SPATS1: variants seen among roughly 807,000 people sequenced by gnomAD.
SPATS1 encodes spermatogenesis-associated serine-rich protein 1.
SPATS1 carries 23 observed loss-of-function variants against 33.6 expected under a neutral mutation model. The ratio of observed to expected loss-of-function variants is 0.68; its 90% confidence interval spans 0.49 to 0.97. The LOEUF (loss-of-function observed/expected upper bound fraction) is 0.97, where lower values mean the gene tolerates loss of function less well. Among genes scored for constraint, SPATS1 ranks in the 50% least tolerant of loss-of-function variants. SPATS1 has a pLI of 0.00. For synonymous variants in SPATS1, 131 were observed against 125.6 expected (o/e 1.04, Z -0.29); for missense variants, 327 against 361.0 (o/e 0.91, Z 0.76).
At chr6:44,342,911 C>A in intron 1 of SPATS1, 143 bp downstream of exon 1, 2 of 1,249,554 alleles carry the variant, frequency 1.6e-6, no homozygotes, top group Non-Finnish European at 2.2e-6. Flanking sequence ...CTCGCTGGGG[C>A]TCCCAGGGCT....
rs1043303430 is a variant in SPATS1 at position 44,379,198 on chromosome 6, G to C, written c.*2135G>C. Among the ~76,000 whole-genome samples the C allele has an allele frequency of 1.3e-5, 2 of 152,112 alleles. No individual in the cohort carries two copies. Among genetic ancestry groups the C allele is most frequent in the Non-Finnish European group, 2.9e-5 (2 of 68,016 alleles). On this transcript the variant is annotated 3_prime_UTR_variant, in exon 9 of 9. Coordinates refer to ENST00000674044, the MANE Select transcript of SPATS1 (RefSeq NM_001372081.1). The stretch of plus-strand genomic sequence containing the variant: ...ATATAGAACAAAAAAAGATTCTGCA[G>C]AGATTTCCTGGTGAGATTATCTAGG...
intron 5 of SPATS1, among the ~76,000 whole-genome samples, chr6:44,365,779 T>C (rs1437176987): frequency 1.3e-5 from 2 of 152,316 alleles, no homozygotes; most frequent in East Asian, 1.9e-4. Flanking sequence ...TCTAAATGTA[T>C]GTTTCCCATT....
rs147384532 is a variant in SPATS1, at chr6:44,355,975, G to A, written c.287+3102G>A. ...TTATCTTTCATGATGCCTGGGTTAC[G>A]GAGGACCTAACTCAGTCAAAGCATG... is the stretch of plus-strand genomic sequence containing the variant. On this transcript the variant is annotated intron_variant, in intron 3 of 8. Coordinates refer to ENST00000674044, the MANE Select transcript of SPATS1 (RefSeq NM_001372081.1). Among the ~76,000 whole-genome samples, 596 of 152,228 alleles carry A rather than the reference G, an allele frequency of 3.9e-3. 1 individual carries two copies. The highest frequency in any genetic ancestry group is 6.9e-3 in the Non-Finnish European group (467 of 68,014).
At chr6:44,371,641 C>A (rs2153369957) in intron 7 of SPATS1, among the ~76,000 whole-genome samples, 1 of 152,250 alleles carries the variant, frequency 6.6e-6, no homozygotes, top group East Asian at 1.9e-4. Context: ...ATAGTAATAG[C>A]TGTTTAAAGA....
At chr6:44,376,810 C>T (rs1789990348) in intron 8 of SPATS1, among the ~76,000 whole-genome samples, 1 of 152,094 alleles carries the variant, frequency 6.6e-6, no homozygotes, top group South Asian at 2.1e-4. Context: ...CAAACACAAA[C>T]AAACAAACAA....
rs145777528 is a variant in SPATS1, at chr6:44,347,188, C to T, written c.139+3954C>T. 1.1e-4 allele frequency among the ~76,000 whole-genome samples: 16 copies of T among 152,060 alleles called. No individual in the cohort carries two copies. In the East Asian group the frequency reaches 2.9e-3, roughly 28 times the overall value. On this transcript the variant is annotated intron_variant, in intron 2 of 8. Coordinates refer to ENST00000674044, the MANE Select transcript of SPATS1 (RefSeq NM_001372081.1). ...GAGTTGAACAATGAGAACACATGGACACAGGGAGGGGAATATCACACACTG... is the reference window on the plus strand; with the variant it reads ...GAGTTGAACAATGAGAACACATGGATACAGGGAGGGGAATATCACACACTG...
At chr6:44,370,172 T>C (rs1300716812) in intron 7 of SPATS1, 59 bp downstream of exon 7, 2 of 1,499,034 alleles carry the variant, frequency 1.3e-6, no homozygotes, top group Non-Finnish European at 9.2e-7. Flanking sequence ...GATTATTTTA[T>C]TGTTTCCTTA....
chr6:44,370,090 T>C lies in SPATS1; in HGVS notation c.735T>C (p.Leu245=), dbSNP rs773606355. 5.6e-6 allele frequency: 9 copies of C among 1,612,418 alleles called. No individual in the cohort carries two copies. Among genetic ancestry groups the C allele is most frequent in the Non-Finnish European group, 6.8e-6 (8 of 1,178,942 alleles). Residue 245 remains leucine, a synonymous_variant, in exon 7 of 9, where the codon CTT becomes CTC. Transcript: ENST00000674044. ...AGAAATTTGATACATTTATTCCACT[T>C]GAGCCTCTTCCACAAATTCCCAAGT... ...YEKKFDTFIP[L]EPLPQIPNLP...
Position 44,379,931 on chromosome 6 carries a change from C to T in SPATS1, c.*2868C>T, listed in dbSNP as rs1255887676. Among the ~76,000 whole-genome samples, 1 of 152,116 alleles carries T rather than the reference C, an allele frequency of 6.6e-6. No individual in the cohort carries two copies. Among genetic ancestry groups the T allele is most frequent in the Non-Finnish European group, 1.5e-5 (1 of 68,028 alleles). ...TTCTCTGTGGGTACATCTCGATGCC[C>T]AGGCCTTATTCCACGGCACCTCAAT... On this transcript the variant is annotated 3_prime_UTR_variant, in exon 9 of 9. Coordinates refer to ENST00000674044, the MANE Select transcript of SPATS1 (RefSeq NM_001372081.1).
rs536402168 is a variant in SPATS1, at chr6:44,346,239, C to T, written c.139+3005C>T. Among the ~76,000 whole-genome samples the T allele has an allele frequency of 6.7e-5, 10 of 149,360 alleles. 1 individual carries two copies. The South Asian group carries it at 1.5e-3, about 22-fold the overall frequency. On this transcript the variant is annotated intron_variant, in intron 2 of 8. Transcript: ENST00000674044. ...CCTAGGGGCAGAGGTTGCAGTGAAC[C>T]GAGATCACTCCAGCCTGGGTGACAG...
At position 44,379,478 on chromosome 6, in the gene SPATS1, G is replaced by C. The variant is rs954191144; in HGVS notation, c.*2415G>C. On this transcript the variant is annotated 3_prime_UTR_variant, in exon 9 of 9. Coordinates refer to ENST00000674044, the MANE Select transcript of SPATS1 (RefSeq NM_001372081.1). Reference sequence around the variant, plus strand: ...TGGTGGTGGGCACCTATAGTCCCAGGACTGTACTATACTCGGGAGGCTGAG... The same window carrying C: ...TGGTGGTGGGCACCTATAGTCCCAGCACTGTACTATACTCGGGAGGCTGAG... 7.9e-5 allele frequency among the ~76,000 whole-genome samples: 12 copies of C among 151,200 alleles called. No homozygotes were observed. Among genetic ancestry groups the C allele is most frequent in the African/African-American group, 2.9e-4 (12 of 41,190 alleles).
rs764105715 is a variant in SPATS1 at position 44,343,106 on chromosome 6, C to T, written c.11C>T (p.Ser4Phe). 27 of 1,614,032 alleles carry T rather than the reference C, an allele frequency of 1.7e-5. No homozygotes were observed. The highest frequency in any genetic ancestry group is 2.1e-5 in the Non-Finnish European group (25 of 1,180,022). The change falls in exon 2 of 9, where the codon TCC (serine) becomes TTC (phenylalanine). Residue 4 changes from serine to phenylalanine, a missense_variant. Physicochemically the swap from Ser to Phe is radical, Grantham distance 155 (BLOSUM62 -2). Coordinates refer to ENST00000674044, the MANE Select transcript of SPATS1 (RefSeq NM_001372081.1). Reference protein sequence around the residue: MSPSMLTGNSPRGC... With the variant: MSPFMLTGNSPRGC... ...TCATCATGGGCACAGATGAGTCCAT[C>T]CATGCTCACTGGAAACAGTCCACGG... is the stretch of plus-strand genomic sequence containing the variant.
At chr6:44,343,481 A>G (rs1561952916) in intron 2 of SPATS1, 1 of 595,800 alleles carries the variant, frequency 1.7e-6, no homozygotes, top group East Asian at 3.7e-5. Context: ...GTGGAGAAGT[A>G]TATTACCTAT....
At chr6:44,360,171 C>T (rs537535982) in intron 3 of SPATS1, among the ~76,000 whole-genome samples, 2 of 152,148 alleles carry the variant, frequency 1.3e-5, no homozygotes, top group African/African-American at 4.8e-5. Context: ...TCTCACTATG[C>T]TGTCCAGTCT....
chr6:44,369,700 C>T (rs1190738379), intron 6 of SPATS1, among the ~76,000 whole-genome samples: 1 of 151,814 alleles, frequency 6.6e-6, no homozygotes, highest in Non-Finnish European at 1.5e-5. Flanking sequence ...GGAGAAACCC[C>T]TTCTCTACAA....
At chr6:44,369,970 A>G in intron 6 of SPATS1, 81 bp from the exon 7 acceptor site, 1 of 895,736 alleles carries the variant, frequency 1.1e-6, no homozygotes, top group Non-Finnish European at 1.7e-6. Flanking sequence ...AAAACAGGAC[A>G]TTCTATTGAA....
At chr6:44,364,774 TC>T (rs1312917773) in intron 5 of SPATS1, among the ~76,000 whole-genome samples, 2 of 149,156 alleles carry the variant, frequency 1.3e-5, no homozygotes, top group African/African-American at 2.6e-5. Flanking sequence ...TTTTTCTTTT[TC>T]TTCTTTTCTT....
chr6:44,355,040 C>A (rs1439886732), intron 3 of SPATS1, among the ~76,000 whole-genome samples: 1 of 152,112 alleles, frequency 6.6e-6, no homozygotes, highest in Non-Finnish European at 1.5e-5. Flanking sequence ...AGGCCAGTTT[C>A]AAACTCCTGG....
rs1790017480 is a variant in SPATS1 at position 44,377,238 on chromosome 6, C to T, written c.*175C>T. ...AACTTTCACATTTACATAAAAGTTG[C>T]AAGAATTGTACAACAAACACCTGCA... On this transcript the variant is annotated 3_prime_UTR_variant, in exon 9 of 9. Transcript: ENST00000674044. The T allele has an allele frequency of 4.3e-6, 3 of 699,972 alleles. No homozygotes were observed. The highest frequency in any genetic ancestry group is 2.7e-5 in the Admixed American group (1 of 36,798). 43.4% of individuals were successfully genotyped at this position (699,972 alleles called of 1,614,324 possible). A position where few individuals can be genotyped will look rare whatever the true frequency, so the allele number is the denominator to read the frequency against.
Sources: allele counts gnomAD v4.1 joint callset (sites outside exome capture counted in the v4.1 genomes callset), GRCh38; gene constraint gnomAD v4.1.1; transcripts MANE v1.5; gene names NCBI Gene and HGNC (gene_info 2026-07-23, HGNC 2026-07-21).